Variants in ANO2 observed in about 807,000 individuals in gnomAD.
ANO2 encodes anoctamin 2.
A neutral mutation model predicts 124.2 loss-of-function variants in ANO2; 101 were observed. The ratio of observed to expected loss-of-function variants is 0.81; its 90% confidence interval spans 0.69 to 0.96. The LOEUF (loss-of-function observed/expected upper bound fraction) is 0.96, where lower values mean the gene tolerates loss of function less well. Among genes scored for constraint, ANO2 ranks in the 40% least tolerant of loss-of-function variants. The pLI, the probability that ANO2 is intolerant of heterozygous loss-of-function variation, is 0.00. For synonymous variants in ANO2, 486 were observed against 482.5 expected, an observed-to-expected ratio of 1.01 and a Z score of -0.09; for missense variants, 1,293 against 1,274.5, an observed-to-expected ratio of 1.01 and a Z score of -0.22.
chr12:5,781,185 G>A (rs1952383247), intron 10 of ANO2, among the ~76,000 whole-genome samples: 1 of 152,206 alleles, frequency 6.6e-6, no homozygotes, highest in African/African-American at 2.4e-5. Context: ...CATGCAAAGT[G>A]TCAAAAATTG....
intron 3 of ANO2, among the ~76,000 whole-genome samples, chr12:5,880,785 GAGATGGATAGGT>G: frequency 6.8e-6 from 1 of 146,192 alleles, no homozygotes; most frequent in East Asian, 2.1e-4. Flanking sequence ...GATGGATGAA[GAGATGGATAGGT>G]GGATGGATGA....
At chr12:5,830,540 T>C in intron 5 of ANO2, 51 bp from the exon 6 acceptor site, 3 of 1,540,958 alleles carry the variant, frequency 1.9e-6, no homozygotes, top group Non-Finnish European at 2.7e-6. Flanking sequence ...ACCCTTGCCC[T>C]GAGACCACTG....
At chr12:5,796,974 C>G (rs986054286) in intron 10 of ANO2, among the ~76,000 whole-genome samples, 1 of 152,194 alleles carries the variant, frequency 6.6e-6, no homozygotes, top group African/African-American at 2.4e-5. Context: ...AAGCTTGGCG[C>G]TAAAAATGAG....
At chr12:5,616,614 T>C (rs1489721665) in intron 16 of ANO2, among the ~76,000 whole-genome samples, 1 of 152,176 alleles carries the variant, frequency 6.6e-6, no homozygotes, top group Non-Finnish European at 1.5e-5. Flanking sequence ...AACAGGGCCA[T>C]GCCAGCTGAG....
At position 5,727,635 on chromosome 12, in the gene ANO2, C is replaced by CTTTTTTT. The variant is rs34307471; in HGVS notation, c.1545+4878_1545+4884dup. Reference sequence around the variant, plus strand: ...CAAGGAAGTCCATTCTCACCACTTCCTTTTTTTTTTTTTTTTTTTTGAGAC... The same window carrying CTTTTTTT: ...CAAGGAAGTCCATTCTCACCACTTCCTTTTTTTTTTTTTTTTTTTTTTTTTTTGAGAC... On this transcript the variant is annotated intron_variant, in intron 14 of 24. Coordinates refer to ENST00000682330, the MANE Select transcript of ANO2 (RefSeq NM_001364791.2). 4.7e-5 allele frequency among the ~76,000 whole-genome samples: 3 copies of CTTTTTTT among 64,222 alleles called. 1 individual carries two copies. The highest frequency in any genetic ancestry group is 1.1e-4 in the Non-Finnish European group (3 of 26,254). The allele number at this position is 64,222 out of a possible 152,430, so 42.1% of individuals were successfully genotyped here. A position where few individuals can be genotyped will look rare whatever the true frequency, so the allele number is the denominator to read the frequency against.
intron 1 of ANO2, among the ~76,000 whole-genome samples, chr12:5,930,675 T>A (rs755346961): frequency 2.0e-5 from 3 of 152,126 alleles, no homozygotes; most frequent in African/African-American, 7.2e-5. Context: ...CCAGGTCTCA[T>A]CCTGCTTCTT....
At chr12:5,864,861 C>T (rs1386775541) in intron 3 of ANO2, among the ~76,000 whole-genome samples, 1 of 152,136 alleles carries the variant, frequency 6.6e-6, no homozygotes, top group Non-Finnish European at 1.5e-5. Context: ...CAAGAATGCC[C>T]AGTATCCCCT....
chr12:5,749,007 T>C (rs1591566726), intron 11 of ANO2, among the ~76,000 whole-genome samples: 1 of 152,280 alleles, frequency 6.6e-6, no homozygotes, highest in South Asian at 2.1e-4. Flanking sequence ...CTTCAGTTGA[T>C]TTGATTTGCA....
chr12:5,858,799 T>C (rs1955183471), intron 3 of ANO2: 1 of 152,244 alleles, frequency 6.6e-6, no homozygotes, highest in African/African-American at 2.4e-5. Flanking sequence ...TATCTGAAAC[T>C]TCTTCTGTAT....
At chr12:5,830,409 C>A (rs1159702874) in intron 6 of ANO2, 26 bp downstream of exon 6, 1 of 1,609,402 alleles carries the variant, frequency 6.2e-7, no homozygotes, top group Non-Finnish European at 8.5e-7. Flanking sequence ...ATCCTCTTTC[C>A]TAACACAGTA....
chr12:5,638,321 C>T (rs1192308423), intron 15 of ANO2, among the ~76,000 whole-genome samples: 2 of 147,490 alleles, frequency 1.4e-5, no homozygotes, highest in East Asian at 2.1e-4. Context: ...CTGCAAGCTC[C>T]GCCTCCTGGG....
At chr12:5,610,843 CACACACACACACACACAA>C (rs1306721465) in intron 19 of ANO2, among the ~76,000 whole-genome samples, 24 of 145,222 alleles carry the variant, frequency 1.7e-4, no homozygotes, top group African/African-American at 5.0e-4. Context: ...CACACACACA[CACACACACACACACACAA>C]CCCTAAGGGA....
intron 15 of ANO2, among the ~76,000 whole-genome samples, chr12:5,640,044 C>T (rs1946252088): frequency 1.3e-5 from 2 of 152,218 alleles, no homozygotes; most frequent in South Asian, 4.2e-4. Flanking sequence ...AGGGACCATT[C>T]AAAAAGGAAA....
chr12:5,683,231 A>C (rs1335938747), intron 14 of ANO2, among the ~76,000 whole-genome samples: 1 of 152,234 alleles, frequency 6.6e-6, no homozygotes, highest in Non-Finnish European at 1.5e-5. Context: ...GTAGAAAATA[A>C]GAGCTCAGGT....
intron 3 of ANO2, among the ~76,000 whole-genome samples, chr12:5,916,153 G>A (rs1262206305): frequency 2.6e-5 from 4 of 151,906 alleles, no homozygotes; most frequent in Admixed American, 1.3e-4. Flanking sequence ...GGCACACACC[G>A]CTGGTCCCAG....
intron 7 of ANO2, among the ~76,000 whole-genome samples, chr12:5,808,774 C>T (rs1953286762): frequency 6.6e-6 from 1 of 152,158 alleles, no homozygotes; most frequent in Non-Finnish European, 1.5e-5. Context: ...TTCCCACCTC[C>T]CGCTCTTACC....
intron 14 of ANO2, among the ~76,000 whole-genome samples, chr12:5,660,077 G>C (rs193092726): frequency 6.6e-6 from 1 of 152,222 alleles, no homozygotes; most frequent in East Asian, 1.9e-4. Context: ...GAAGGTCCCT[G>C]ACTTAATGAT....
At chr12:5,889,788 T>G (rs530347392) in intron 3 of ANO2, among the ~76,000 whole-genome samples, 59 of 152,378 alleles carry the variant, frequency 3.9e-4, no homozygotes, top group Middle Eastern at 3.4e-3. Context: ...CAACTCTTTC[T>G]TAAAGGAGGT....
chr12:5,706,505 A>C (rs760493663), intron 14 of ANO2, among the ~76,000 whole-genome samples: 22 of 152,244 alleles, frequency 1.4e-4, no homozygotes, highest in Admixed American at 3.3e-4. Flanking sequence ...TGTCTGCTCA[A>C]ACATGCCCTT....
Sources: gnomAD v4.1 joint callset for allele counts (sites outside exome capture counted in the v4.1 genomes callset) on GRCh38, gnomAD v4.1.1 for gene constraint, MANE v1.5 for transcripts, NCBI Gene and HGNC (gene_info 2026-07-23, HGNC 2026-07-21) for gene names.